Variants in NUP210 observed in about 807,000 individuals in gnomAD.
The protein encoded by NUP210 is nucleoporin 210.
In NUP210, 151 loss-of-function variants were observed where a neutral mutation model predicts 196.0. The observed-to-expected ratio is 0.77, with a 90% confidence interval of 0.67 to 0.88. The LOEUF (loss-of-function observed/expected upper bound fraction) is 0.88, where lower values mean the gene tolerates loss of function less well. Among genes scored for constraint, NUP210 ranks in the 40% least tolerant of loss-of-function variants. The probability of loss-of-function intolerance (pLI) is 0.00; values close to 1 mark genes in which losing one functional copy is unlikely to be tolerated. For synonymous variants in NUP210, 1,070 were observed against 1,052.7 expected (o/e 1.02, Z -0.32); for missense variants, 2,314 against 2,493.7 (o/e 0.93, Z 1.53).
intron 4 of NUP210, among the ~76,000 whole-genome samples, chr3:13,390,735 G>A (rs1487523427): frequency 6.6e-6 from 1 of 152,250 alleles, no homozygotes; most frequent in Non-Finnish European, 1.5e-5. Flanking sequence ...TGGCTGCCAG[G>A]AGGATGACAC....
intron 3 of NUP210, 68 bp downstream of exon 3, chr3:13,397,289 C>T: frequency 6.4e-7 from 1 of 1,557,438 alleles, no homozygotes; most frequent in Non-Finnish European, 8.7e-7. Context: ...TGCAGAGAGG[C>T]CAGAGTCATG....
intron 18 of NUP210, 29 bp downstream of exon 18, chr3:13,353,525 C>G: frequency 6.4e-7 from 1 of 1,574,130 alleles, no homozygotes; most frequent in Non-Finnish European, 8.7e-7. Context: ...CTACCCATAG[C>G]CCACCCACCA....
rs58914405 is a variant in NUP210, at chr3:13,388,345, C to T, written c.642G>A (p.Gly214=). 1,813 of 1,612,926 alleles carry T rather than the reference C, an allele frequency of 1.1e-3. 17 individuals are homozygous for T. The African/African-American group carries it at 0.021, about 19-fold the overall frequency. Residue 214 remains glycine, a synonymous_variant, in exon 5 of 40, where the codon GGG becomes GGA. Transcript: ENST00000254508. ...DTILVSGMKT[G]SSKLKARIQE... ...GGATGCGAGCCTTGAGCTTGGAGCT[C>T]CCGGTCTTCATCCCAGACACCAGGA...
intron 1 of NUP210, among the ~76,000 whole-genome samples, chr3:13,418,961 AAAAAAAAAAAAAG>A (rs1315045234): frequency 1.3e-4 from 16 of 118,744 alleles, no homozygotes; most frequent in South Asian, 5.0e-4. Flanking sequence ...AAAAAAAAAA[AAAAAAAAAAAAAG>A]AAAGAAAGAA....
intron 13 of NUP210, among the ~76,000 whole-genome samples, chr3:13,369,401 T>C (rs757096833): frequency 1.3e-5 from 2 of 152,212 alleles, no homozygotes; most frequent in Non-Finnish European, 2.9e-5. Flanking sequence ...TCCTTTGATA[T>C]ATAGAACTTT....
At chr3:13,318,543 C>T (rs566900190) in intron 39 of NUP210, among the ~76,000 whole-genome samples, 3 of 152,254 alleles carry the variant, frequency 2.0e-5, no homozygotes, top group Admixed American at 1.3e-4. Flanking sequence ...AGGGCCTTCA[C>T]GTACAGCAGT....
intron 20 of NUP210, 39 bp from the exon 21 acceptor site, chr3:13,343,342 G>GGGGGGGGGGGGGGGGGGGGGGGCT: frequency 1.5e-6 from 1 of 655,994 alleles, no homozygotes; most frequent in Non-Finnish European, 2.5e-6. Flanking sequence ...TGGGTGGTGG[G>GGGGGGGGGGGGGGGGGGGGGGGCT]TTACGCAGCT....
At chr3:13,371,581 G>A (rs1426436526) in intron 13 of NUP210, among the ~76,000 whole-genome samples, 1 of 152,250 alleles carries the variant, frequency 6.6e-6, no homozygotes, top group Non-Finnish European at 1.5e-5. Flanking sequence ...GTGATTCTAT[G>A]TAGATGACAC....
At chr3:13,321,523 C>T in intron 36 of NUP210, 62 bp downstream of exon 36, 3 of 1,569,638 alleles carry the variant, frequency 1.9e-6, no homozygotes, top group Non-Finnish European at 2.6e-6. Flanking sequence ...TTCCCTCTTC[C>T]TCCAGGGCCT....
chr3:13,366,208 G>A (rs879054568), intron 13 of NUP210, 117 bp from the exon 14 acceptor site: 9 of 958,360 alleles, frequency 9.4e-6, no homozygotes, highest in Admixed American at 2.7e-5. Context: ...GGCTCACTGC[G>A]ACCTCCGCCT....
At chr3:13,366,194 T>A in intron 13 of NUP210, 103 bp from the exon 14 acceptor site, 1 of 1,194,212 alleles carries the variant, frequency 8.4e-7, no homozygotes, top group Non-Finnish European at 1.2e-6. Flanking sequence ...AGTGGCATGA[T>A]CTTGGCTCAC....
Position 13,371,342 on chromosome 3 carries a change from G to T in NUP210, c.1786+492C>A, listed in dbSNP as rs549444573. 2.0e-5 allele frequency among the ~76,000 whole-genome samples: 3 copies of T among 152,270 alleles called. No individual in the cohort carries two copies. The East Asian group carries it at 5.8e-4, about 29-fold the overall frequency. ...AGGGTGGTTGTAAAGTCCTAAGGAGGTCAGGCATGCAAAGTGCCTGTCCTG... is the reference window on the plus strand; with the variant it reads ...AGGGTGGTTGTAAAGTCCTAAGGAGTTCAGGCATGCAAAGTGCCTGTCCTG... On this transcript the variant is annotated intron_variant, in intron 13 of 39. Coordinates refer to ENST00000254508, the MANE Select transcript of NUP210 (RefSeq NM_024923.4).
chr3:13,389,448 G>A (rs1286953607), intron 4 of NUP210, among the ~76,000 whole-genome samples: 3 of 152,168 alleles, frequency 2.0e-5, no homozygotes, highest in Non-Finnish European at 4.4e-5. Flanking sequence ...TGTTTCCCAG[G>A]GCAGGAGGCT....
chr3:13,412,235 T>C (rs1342133826), intron 1 of NUP210, among the ~76,000 whole-genome samples: 1 of 128,912 alleles, frequency 7.8e-6, no homozygotes, highest in East Asian at 2.0e-4. Context: ...CCTTTTCTTT[T>C]TTTTTTTTTT....
intron 20 of NUP210, among the ~76,000 whole-genome samples, chr3:13,349,742 G>A (rs780538406): frequency 1.4e-4 from 22 of 152,228 alleles, no homozygotes; most frequent in Middle Eastern, 3.2e-3. Flanking sequence ...AACAGAGCTC[G>A]GAGAAGTCCA....
chr3:13,417,555 CA>C (rs1655227353), intron 1 of NUP210, among the ~76,000 whole-genome samples: 1 of 152,150 alleles, frequency 6.6e-6, no homozygotes, highest in Admixed American at 6.5e-5. Context: ...GTCTATAGGC[CA>C]GCTCTTAAAA....
intron 3 of NUP210, among the ~76,000 whole-genome samples, chr3:13,394,166 GC>G: frequency 6.6e-6 from 1 of 152,282 alleles, no homozygotes; most frequent in East Asian, 1.9e-4. Flanking sequence ...GAGAGGCAAT[GC>G]CAGAGGAAGC....
chr3:13,342,281 C>A (rs1697542867), intron 21 of NUP210, among the ~76,000 whole-genome samples, 158 bp from the exon 22 acceptor site: 1 of 152,122 alleles, frequency 6.6e-6, no homozygotes, highest in Non-Finnish European at 1.5e-5. Context: ...ATCAGCCAGT[C>A]AGCAAATGAA....
chr3:13,385,944 T>C (rs560336000), intron 6 of NUP210, among the ~76,000 whole-genome samples: 1 of 152,188 alleles, frequency 6.6e-6, no homozygotes, highest in African/African-American at 2.4e-5. Context: ...TATAAGCCAG[T>C]TACAAAAAAA....
Sources: gnomAD v4.1 joint callset for allele counts (sites outside exome capture counted in the v4.1 genomes callset) on GRCh38, gnomAD v4.1.1 for gene constraint, MANE v1.5 for transcripts, NCBI Gene and HGNC (gene_info 2026-07-23, HGNC 2026-07-21) for gene names.